Variants in ALDH1A2 observed in about 807,000 individuals in gnomAD.
The protein encoded by ALDH1A2 is retinal dehydrogenase 2.
ALDH1A2 carries 27 observed loss-of-function variants against 60.3 expected under a neutral mutation model. The ratio of observed to expected loss-of-function variants is 0.45; its 90% CI spans 0.33 to 0.62. The LOEUF is 0.62. Among genes scored for constraint, ALDH1A2 ranks in the 20% least tolerant of loss-of-function variants. ALDH1A2 has a pLI of 0.02. For synonymous variants in ALDH1A2, 289 were observed against 232.4 expected, an observed-to-expected ratio of 1.24 and a Z score of -2.21; for missense variants, 581 against 643.8, an observed-to-expected ratio of 0.90 and a Z score of 1.06.
chr15:58,016,800 A>T (rs1895801586), intron 1 of ALDH1A2, among the ~76,000 whole-genome samples: 1 of 152,184 alleles, frequency 6.6e-6, no homozygotes, highest in African/African-American at 2.4e-5. Context: ...AATGAATGTC[A>T]CCACTGTATC....
chr15:58,001,061 A>C (rs528297890), intron 4 of ALDH1A2, among the ~76,000 whole-genome samples: 2 of 146,274 alleles, frequency 1.4e-5, no homozygotes, highest in Admixed American at 6.9e-5. Context: ...AAAGAATGAA[A>C]ACACTATTAG....
At chr15:58,021,502 C>A (rs1895926615) in intron 1 of ALDH1A2, among the ~76,000 whole-genome samples, 1 of 152,152 alleles carries the variant, frequency 6.6e-6, no homozygotes, top group Non-Finnish European at 1.5e-5. Context: ...TTGTGCAATT[C>A]TGGCCACTTG....
chr15:57,958,212 A>ACG (rs1555398321), intron 12 of ALDH1A2, among the ~76,000 whole-genome samples: 3 of 150,250 alleles, frequency 2.0e-5, no homozygotes, highest in Non-Finnish European at 4.4e-5. Context: ...GTGTACACGC[A>ACG]CGCACACACA....
intron 7 of ALDH1A2, among the ~76,000 whole-genome samples, chr15:57,985,816 A>G (rs1326878882): frequency 5.3e-5 from 8 of 152,230 alleles, no homozygotes; most frequent in Non-Finnish European, 1.0e-4. Flanking sequence ...TTGAAAGTAA[A>G]ACTTATAAAA....
chr15:58,010,510 G>A (rs1325034816), intron 4 of ALDH1A2, 139 bp downstream of exon 4: 2 of 1,083,464 alleles, frequency 1.8e-6, no homozygotes, highest in Non-Finnish European at 2.6e-6. Flanking sequence ...ACATAATTTG[G>A]TTGGTTCTTC....
chr15:58,005,899 G>T (rs1448961988), intron 4 of ALDH1A2, among the ~76,000 whole-genome samples: 2 of 151,702 alleles, frequency 1.3e-5, no homozygotes, highest in Non-Finnish European at 2.9e-5. Context: ...AGATACAGTC[G>T]ATTTTCATTA....
At chr15:58,054,069 C>A (rs187861401) in intron 1 of ALDH1A2, among the ~76,000 whole-genome samples, 1 of 152,190 alleles carries the variant, frequency 6.6e-6, no homozygotes, top group African/African-American at 2.4e-5. Context: ...TTCTGGTCTC[C>A]CAAAGGACCA....
chr15:58,032,339 A>C (rs1356097862), intron 1 of ALDH1A2, among the ~76,000 whole-genome samples: 3 of 151,868 alleles, frequency 2.0e-5, no homozygotes, highest in African/African-American at 7.3e-5. Context: ...GGAACATCAC[A>C]CACCGGGGCC....
chr15:58,002,806 A>C (rs1259731176), intron 4 of ALDH1A2, among the ~76,000 whole-genome samples: 3 of 151,948 alleles, frequency 2.0e-5, no homozygotes, highest in Admixed American at 6.6e-5. Context: ...AGGAGCTGGC[A>C]ATTCTTTGAT....
At chr15:57,987,193 G>GA (rs1312690396) in intron 7 of ALDH1A2, among the ~76,000 whole-genome samples, 1 of 151,770 alleles carries the variant, frequency 6.6e-6, no homozygotes, top group Non-Finnish European at 1.5e-5. Context: ...TGACCCATGG[G>GA]ATAATGACAA....
intron 7 of ALDH1A2, chr15:57,980,535 T>C (rs1894459404): frequency 7.2e-6 from 2 of 276,300 alleles, no homozygotes; most frequent in Non-Finnish European, 1.5e-5. Flanking sequence ...AGTCCCTTGA[T>C]CCAGCTGTGA....
intron 1 of ALDH1A2, among the ~76,000 whole-genome samples, chr15:58,015,217 C>T (rs1405200567): frequency 4.6e-5 from 7 of 152,068 alleles, no homozygotes; most frequent in African/African-American, 1.2e-4. Context: ...TAATTTAGGA[C>T]AAAAACAATG....
At chr15:57,988,357 G>C (rs952065890) in intron 7 of ALDH1A2, among the ~76,000 whole-genome samples, 2 of 151,990 alleles carry the variant, frequency 1.3e-5, no homozygotes, top group African/African-American at 4.8e-5. Context: ...TAAAAAGAGT[G>C]GTAAAATTAT....
At chr15:57,977,466 G>A (rs1319269331) in intron 7 of ALDH1A2, among the ~76,000 whole-genome samples, 2 of 152,156 alleles carry the variant, frequency 1.3e-5, no homozygotes, top group Non-Finnish European at 2.9e-5. Context: ...GATATGGCTA[G>A]CCAGTTTTCC....
intron 7 of ALDH1A2, among the ~76,000 whole-genome samples, chr15:57,983,500 T>C (rs1323955098): frequency 6.6e-5 from 10 of 152,220 alleles, no homozygotes. Context: ...AACTGTGGAA[T>C]TAAGATGGAG....
At chr15:58,003,776 A>C (rs2140505357) in intron 4 of ALDH1A2, among the ~76,000 whole-genome samples, 1 of 152,026 alleles carries the variant, frequency 6.6e-6, no homozygotes, top group South Asian at 2.1e-4. Flanking sequence ...ACTTTTCTTT[A>C]GGGCTGCTAT....
Position 58,003,945 on chromosome 15 carries a change from T to C in ALDH1A2, c.493+6704A>G, listed in dbSNP as rs541078223. Among the ~76,000 whole-genome samples, 5 of 151,768 alleles carry C rather than the reference T, an allele frequency of 3.3e-5. No homozygotes were observed. The East Asian group carries it at 5.8e-4, about 18-fold the overall frequency. ...CATTGGGTACCATGGCAGGAAATAA[T>C]GGATAGTGTTGTAAAGGAAACAACA... On this transcript the variant is annotated intron_variant, in intron 4 of 12. Coordinates refer to ENST00000249750, the MANE Select transcript of ALDH1A2 (RefSeq NM_003888.4).
chr15:58,057,174 C>G (rs1896918092), intron 1 of ALDH1A2, among the ~76,000 whole-genome samples: 1 of 151,938 alleles, frequency 6.6e-6, no homozygotes, highest in Non-Finnish European at 1.5e-5. Flanking sequence ...TCATAAATGT[C>G]AAGAGCAGAA....
intron 4 of ALDH1A2, among the ~76,000 whole-genome samples, chr15:57,997,772 C>G (rs1447865535): frequency 6.6e-6 from 1 of 151,966 alleles, no homozygotes; most frequent in Non-Finnish European, 1.5e-5. Flanking sequence ...TCAAGAGAAA[C>G]TGAGTTATGA....
Sources: gnomAD v4.1 joint callset for allele counts (sites outside exome capture counted in the v4.1 genomes callset) on GRCh38, gnomAD v4.1.1 for gene constraint, MANE v1.5 for transcripts, NCBI Gene and HGNC (gene_info 2026-07-23, HGNC 2026-07-21) for gene names.